PARP4: variants seen among roughly 807,000 people sequenced by gnomAD.
The protein encoded by PARP4 is protein mono-ADP-ribosyltransferase PARP4.
Under a neutral mutation model 187.7 loss-of-function variants are expected in PARP4, and 120 were observed. The ratio of observed to expected loss-of-function variants is 0.64; its 90% CI spans 0.55 to 0.74. The LOEUF (loss-of-function observed/expected upper bound fraction) is 0.74, where lower values mean the gene tolerates loss of function less well. Among genes scored for constraint, PARP4 ranks in the 30% least tolerant of loss-of-function variants. The pLI is 0.00. For missense variants in PARP4, 1,836 were observed against 2,070.5 expected (o/e 0.89, Z 2.20); for synonymous variants, 654 against 740.9 (o/e 0.88, Z 1.90).
At chr13:24,472,138 T>G (rs1399853209) in intron 15 of PARP4, among the ~76,000 whole-genome samples, 2 of 151,094 alleles carry the variant, frequency 1.3e-5, no homozygotes. Context: ...GGGCCTCAGC[T>G]TCTTCTTCCA....
chr13:24,506,402 C>G (rs1018639842), intron 1 of PARP4, among the ~76,000 whole-genome samples: 14 of 152,132 alleles, frequency 9.2e-5, no homozygotes, highest in African/African-American at 3.4e-4. Context: ...GAAGAGGACC[C>G]CAGCAGGTTG....
At chr13:24,453,146 G>A (rs1871619515) in intron 23 of PARP4, among the ~76,000 whole-genome samples, 1 of 152,228 alleles carries the variant, frequency 6.6e-6, no homozygotes, top group Middle Eastern at 3.4e-3. Context: ...ATGTTGGCCA[G>A]GTTGGTCTCG....
At chr13:24,475,037 C>G (rs1304355994) in intron 15 of PARP4, among the ~76,000 whole-genome samples, 1 of 152,216 alleles carries the variant, frequency 6.6e-6, no homozygotes. Context: ...GACGTCCACA[C>G]AGTTTAGCCC....
At chr13:24,460,563 C>G (rs1872171348) in intron 17 of PARP4, among the ~76,000 whole-genome samples, 1 of 152,220 alleles carries the variant, frequency 6.6e-6, no homozygotes, top group Non-Finnish European at 1.5e-5. Context: ...CTTGAAGACC[C>G]TCCCTGACCT....
intron 12 of PARP4, among the ~76,000 whole-genome samples, chr13:24,478,991 AGT>A (rs1174657702): frequency 6.6e-6 from 1 of 152,220 alleles, no homozygotes; most frequent in East Asian, 1.9e-4. Flanking sequence ...GTGGGTACCA[AGT>A]GAGTAAGAAC....
chr13:24,436,943 G>A (rs1425753511), intron 30 of PARP4, among the ~76,000 whole-genome samples: 1 of 151,930 alleles, frequency 6.6e-6, no homozygotes, highest in African/African-American at 2.4e-5. Context: ...GCTAACCAGA[G>A]GTTAAATTTT....
chr13:24,506,635 T>C (rs992068801), intron 1 of PARP4, among the ~76,000 whole-genome samples: 13 of 152,062 alleles, frequency 8.5e-5, no homozygotes, highest in Non-Finnish European at 1.5e-4. Context: ...ACACAGGGTG[T>C]TGATTGGTGT....
intron 31 of PARP4, among the ~76,000 whole-genome samples, chr13:24,432,779 C>T (rs1430421514): frequency 6.6e-6 from 1 of 151,714 alleles, no homozygotes; most frequent in East Asian, 1.9e-4. Flanking sequence ...CCCTGCATCC[C>T]CCATCATCTG....
chr13:24,512,295 G>C (rs1344817550), intron 1 of PARP4, among the ~76,000 whole-genome samples: 6 of 152,208 alleles, frequency 3.9e-5, no homozygotes, highest in African/African-American at 1.4e-4. Flanking sequence ...AGTACTTCCT[G>C]ATTACTCACC....
At chr13:24,479,236 G>A (rs983668311) in intron 12 of PARP4, among the ~76,000 whole-genome samples, 66 of 151,808 alleles carry the variant, frequency 4.3e-4, no homozygotes, top group African/African-American at 1.4e-3. Context: ...ATGGCCAGAC[G>A]ACCCTTCTTT....
chr13:24,501,823 T>C lies in PARP4; in HGVS notation c.144A>G (p.Ile48Met). ...TCAGAACATCAGCATTATCTAAGATTATATGTGTGCACTAAGGAAAAAAAG... is the reference window on the plus strand; with the variant it reads ...TCAGAACATCAGCATTATCTAAGATCATATGTGTGCACTAAGGAAAAAAAG... ...SFSLNPQCTHIILDNADVLSQ... is the reference protein window; with the variant it reads ...SFSLNPQCTHMILDNADVLSQ... Residue 48 changes from isoleucine to methionine, a missense_variant, in exon 3 of 34, where the codon ATA (isoleucine) becomes ATG (methionine). Transcript: ENST00000381989. 6.2e-7 allele frequency: 1 copy of C among 1,605,548 alleles called. No homozygotes were observed. The highest frequency in any genetic ancestry group is 8.5e-7 in the Non-Finnish European group (1 of 1,172,506).
At chr13:24,452,677 G>C in intron 23 of PARP4, 84 bp from the exon 24 acceptor site, 2 of 1,068,888 alleles carry the variant, frequency 1.9e-6, no homozygotes, top group Non-Finnish European at 2.7e-6. Flanking sequence ...TCTAAGGACA[G>C]TGTAGGGATA....
At chr13:24,470,111 T>A in intron 15 of PARP4, 86 bp from the exon 16 acceptor site, 1 of 1,290,426 alleles carries the variant, frequency 7.7e-7, no homozygotes, top group Non-Finnish European at 1.1e-6. Context: ...TGATTTTGCA[T>A]ATTTATTTGA....
intron 32 of PARP4, 127 bp from the exon 33 acceptor site, chr13:24,426,725 TAAA>T: frequency 1.6e-6 from 1 of 635,472 alleles, no homozygotes; most frequent in Non-Finnish European, 2.5e-6. Flanking sequence ...CCATCTCTGC[TAAA>T]AAAAAAAATA....
At position 24,493,668 on chromosome 13, in the gene PARP4, C is replaced by T. The variant is rs1330926056; in HGVS notation, c.807G>A (p.Met269Ile). The T allele has an allele frequency of 6.2e-7, 1 of 1,614,094 alleles. No individual in the cohort carries two copies. The highest frequency in any genetic ancestry group is 8.5e-7 in the Non-Finnish European group (1 of 1,179,980). Reference protein sequence around the residue: ...LSQEVSDLVEMIWAEALGHLE... With the variant: ...LSQEVSDLVEIIWAEALGHLE... ...GGTGGCCCAGGGCCTCTGCCCAAAT[C>T]ATCTCTACTAAATCGCTCACCTCTT... The change falls in exon 8 of 34, where the codon ATG (methionine) becomes ATA (isoleucine). Residue 269 changes from methionine (M) to isoleucine (I), a missense_variant. Physicochemically the swap from Met to Ile is conservative, Grantham distance 10. Transcript: ENST00000381989.
At chr13:24,439,802 C>G (rs6490927) in intron 30 of PARP4, among the ~76,000 whole-genome samples, 60,363 of 152,034 alleles carry the variant, frequency 0.4, 12,232 homozygotes, top group African/African-American at 0.46. Flanking sequence ...ACAATGCACT[C>G]CAAGGGCCCC....
chr13:24,488,585 C>T (rs960572087), intron 10 of PARP4, among the ~76,000 whole-genome samples: 2 of 151,904 alleles, frequency 1.3e-5, no homozygotes, highest in Non-Finnish European at 2.9e-5. Context: ...AACTCCTGAC[C>T]TCAAGTGATC....
chr13:24,487,978 C>T (rs755106733), intron 10 of PARP4, among the ~76,000 whole-genome samples: 8 of 152,196 alleles, frequency 5.3e-5, no homozygotes, highest in African/African-American at 1.7e-4. Context: ...TAGAAAAGAA[C>T]ATGAGTTTTA....
chr13:24,478,877 T>C (rs1456259745), intron 12 of PARP4, among the ~76,000 whole-genome samples: 1 of 152,212 alleles, frequency 6.6e-6, no homozygotes, highest in African/African-American at 2.4e-5. Context: ...CATTTTACTA[T>C]CATAAATACC....
Sources: gnomAD v4.1 joint callset for allele counts (sites outside exome capture counted in the v4.1 genomes callset) on GRCh38, gnomAD v4.1.1 for gene constraint, MANE v1.5 for transcripts, NCBI Gene and HGNC (gene_info 2026-07-23, HGNC 2026-07-21) for gene names.